TTC5: variants seen among roughly 807,000 people sequenced by gnomAD.
The protein encoded by TTC5 is tetratricopeptide repeat protein 5.
TTC5 carries 46 observed loss-of-function variants against 57.4 expected under a neutral mutation model. That is an observed-to-expected ratio of 0.80 (90% CI 0.63 to 1.03). TTC5 has a LOEUF of 1.03. TTC5 is among the 50% of genes least tolerant of loss of function. TTC5 has a pLI of 0.00. For synonymous variants in TTC5, 190 were observed against 203.5 expected (o/e 0.93, Z 0.57); for missense variants, 504 against 528.1 (o/e 0.95, Z 0.45).
Position 20,295,858 on chromosome 14 carries a change from T to C in TTC5, c.697-4A>G, listed in dbSNP as rs1450070624. On this transcript the variant is annotated splice_region_variant and splice_polypyrimidine_tract_variant and intron_variant, in intron 6 of 9. Coordinates refer to ENST00000258821, the MANE Select transcript of TTC5 (RefSeq NM_138376.3). ...AACTCTCTTCATATTTATGCAACTG[T>C]ACAAGAAGTGTATCCCAATTATAAG... The C allele has an allele frequency of 2.5e-6, 4 of 1,572,152 alleles. No individual in the cohort carries two copies. Among genetic ancestry groups the C allele is most frequent in the Non-Finnish European group, 3.4e-6 (4 of 1,164,836 alleles).
intron 8 of TTC5, 89 bp downstream of exon 8, chr14:20,295,223 G>T: frequency 8.2e-7 from 1 of 1,226,820 alleles, no homozygotes; most frequent in Non-Finnish European, 1.2e-6. Flanking sequence ...TGTGACCACT[G>T]ACAATCTCCT....
chr14:20,301,867 C>T lies in TTC5; in HGVS notation c.150G>A (p.Met50Ile). 1 of 1,614,108 alleles carries T rather than the reference C, an allele frequency of 6.2e-7. No homozygotes were observed. The highest frequency in any genetic ancestry group is 2.2e-5 in the East Asian group (1 of 44,886). ...CTTCCATCTGCTGTAGGGTTTTCTC[C>T]ATCTCCTTCTGCACATCCTGTTGCT... ...GRKQQDVQKE[M>I]EKTLQQMEEV... Residue 50 changes from methionine (M) to isoleucine (I), a missense_variant, in exon 2 of 10, where the codon ATG becomes ATA. Met to Ile is a conservative substitution (Grantham distance 10, BLOSUM62 1). Transcript: ENST00000258821.
intron 1 of TTC5, among the ~76,000 whole-genome samples, chr14:20,304,491 G>C (rs1247891349): frequency 1.3e-5 from 2 of 152,106 alleles, no homozygotes; most frequent in Non-Finnish European, 2.9e-5. Flanking sequence ...ACACTAAAAT[G>C]TCTTTAACAA....
At position 20,300,755 on chromosome 14, in the gene TTC5, T is replaced by A; in HGVS notation, c.248A>T (p.Asp83Val). The change falls in exon 3 of 10, where the codon GAC (aspartate) becomes GTC (valine). Residue 83 changes from aspartate to valine, a missense_variant. Transcript: ENST00000258821. The part of the protein sequence containing the change: ...LTGKALNVTP[D>V]YSPKAEELLS... ...AAGCTCCTCAGCCTTAGGGCTATAG[T>A]CAGGAGTCACATTTAGTGCTTTCCC... 1 of 1,614,170 alleles carries A rather than the reference T, an allele frequency of 6.2e-7. No individual in the cohort carries two copies. Among genetic ancestry groups the A allele is most frequent in the African/African-American group, 1.3e-5 (1 of 75,032 alleles).
Position 20,292,143 on chromosome 14 carries a change from A to G in TTC5, c.1059-16T>C, listed in dbSNP as rs929370929. On this transcript the variant is annotated splice_polypyrimidine_tract_variant and intron_variant, in intron 8 of 9. Coordinates refer to ENST00000258821, the MANE Select transcript of TTC5 (RefSeq NM_138376.3). ...GCCAAATGTACTACCAAGTAAAGAC[A>G]GATTAGGAGAGAGGAAAACAAAAAG... The G allele has an allele frequency of 1.1e-5, 16 of 1,489,862 alleles. 4 individuals carry two copies. The Admixed American group carries it at 3.4e-4, about 31-fold the overall frequency. The allele number at this position is 1,489,862 out of a possible 1,614,324, so 92.3% of individuals were successfully genotyped here.
intron 8 of TTC5, 121 bp from the exon 9 acceptor site, chr14:20,292,248 A>G: frequency 1.9e-6 from 1 of 516,354 alleles, no homozygotes; most frequent in Non-Finnish European, 3.0e-6. Flanking sequence ...AGTGACAGGT[A>G]ATTAAAATAA....
In TTC5 at chr14:20,288,432, T is replaced by C. The variant is rs1276854615; in HGVS notation, c.*1195A>G. On this transcript the variant is annotated 3_prime_UTR_variant, in exon 10 of 10. Coordinates refer to ENST00000258821, the MANE Select transcript of TTC5 (RefSeq NM_138376.3). ...TACAGCCATTCAGTTGTTGTTGCTG[T>C]TTGAGACGGAGTCTCGCTCTGTCGC... 2 of 152,338 alleles carry C rather than the reference T, an allele frequency of 1.3e-5. No homozygotes were observed. The highest frequency in any genetic ancestry group is 3.8e-4 in the East Asian group (2 of 5,204). The allele number at this position is 152,338 out of a possible 1,614,324, so 9.4% of individuals were successfully genotyped here.
chr14:20,297,613 A>T (rs1882092776), intron 5 of TTC5, among the ~76,000 whole-genome samples: 1 of 152,110 alleles, frequency 6.6e-6, no homozygotes, highest in Non-Finnish European at 1.5e-5. Flanking sequence ...TCTACTAAAA[A>T]TACAAAAATT....
Position 20,292,061 on chromosome 14 carries a change from G to C in TTC5, c.1125C>G (p.Ser375Arg), listed in dbSNP as rs1314224169. 1 of 1,602,996 alleles carries C rather than the reference G, an allele frequency of 6.2e-7. No individual in the cohort carries two copies. Among genetic ancestry groups the C allele is most frequent in the Non-Finnish European group, 8.5e-7 (1 of 1,174,786 alleles). ...CAGAGTCTCCAATGAGCACTCCCCA[G>C]CTCTGCACTATATTGTACACCATCA... The part of the protein sequence containing the change: ...YAVMVYNIVQ[S>R]WGVLIGDSVA... The change falls in exon 9 of 10, where the codon AGC (serine) becomes AGG (arginine). Residue 375 changes from serine to arginine, a missense_variant. Transcript: ENST00000258821.
rs1443839434 is a variant in TTC5, at chr14:20,289,501, G to A, written c.*126C>T. The stretch of plus-strand genomic sequence containing the variant: ...AGAGATACGAAGTGTAATACAGGCA[G>A]GGAAAGAGAAAGTCTTCATTTAAAA... On this transcript the variant is annotated 3_prime_UTR_variant, in exon 10 of 10. Transcript: ENST00000258821. 2 of 1,206,356 alleles carry A rather than the reference G, an allele frequency of 1.7e-6. No homozygotes were observed. The highest frequency in any genetic ancestry group is 2.3e-6 in the Non-Finnish European group (2 of 881,458). The allele number at this position is 1,206,356 out of a possible 1,614,324, so 74.7% of individuals were successfully genotyped here.
rs149577920 is a variant in TTC5, at chr14:20,298,067, G to A, written c.639+730C>T. ...TATTCTACCACAGGGAGCAGAATAA[G>A]TAATGATAAGTTAAAAAGCAATTCT... is the stretch of plus-strand genomic sequence containing the variant. On this transcript the variant is annotated intron_variant, in intron 5 of 9. Coordinates refer to ENST00000258821, the MANE Select transcript of TTC5 (RefSeq NM_138376.3). Among the ~76,000 whole-genome samples, 13 of 152,276 alleles carry A rather than the reference G, an allele frequency of 8.5e-5. No individual in the cohort carries two copies. The East Asian group carries it at 2.5e-3, about 29-fold the overall frequency.
intron 2 of TTC5, 94 bp downstream of exon 2, chr14:20,301,739 A>G: frequency 6.6e-7 from 1 of 1,509,860 alleles, no homozygotes; most frequent in Non-Finnish European, 9.1e-7. Context: ...CTATAGCAGT[A>G]ACAGATAGGA....
chr14:20,300,905 T>C, intron 2 of TTC5, 87 bp from the exon 3 acceptor site: 1 of 1,067,552 alleles, frequency 9.4e-7, no homozygotes, highest in East Asian at 2.4e-5. Context: ...CACGTCAGTT[T>C]TAGGAATAAA....
intron 7 of TTC5, 30 bp downstream of exon 7, chr14:20,295,678 A>C: frequency 6.4e-7 from 1 of 1,563,030 alleles, no homozygotes. Flanking sequence ...AAAAAAAAAA[A>C]GTGGAATTCA....
At chr14:20,296,727 T>C (rs191602914) in intron 5 of TTC5, among the ~76,000 whole-genome samples, 377 of 152,274 alleles carry the variant, frequency 2.5e-3, no homozygotes, top group African/African-American at 8.6e-3. Flanking sequence ...AAATGAAATA[T>C]GTGGGCCGGG....
At position 20,300,597 on chromosome 14, in the gene TTC5, G is replaced by T; in HGVS notation, c.396+10C>A. 6.2e-7 allele frequency: 1 copy of T among 1,606,162 alleles called. No individual in the cohort carries two copies. ...ATCTCTGCTTTCCAAAGGGATAGGG[G>T]GCAGCTCACATGGGTGAGGGCTCCT... On this transcript the variant is annotated intron_variant, in intron 3 of 9. Coordinates refer to ENST00000258821, the MANE Select transcript of TTC5 (RefSeq NM_138376.3).
At chr14:20,298,250 T>C (rs1312460716) in intron 5 of TTC5, among the ~76,000 whole-genome samples, 4 of 152,208 alleles carry the variant, frequency 2.6e-5, no homozygotes, top group African/African-American at 9.6e-5. Context: ...AACATAAAAA[T>C]GCTTGAAAAC....
chr14:20,291,958 T>G, intron 9 of TTC5, 25 bp downstream of exon 9: 1 of 1,534,118 alleles, frequency 6.5e-7, no homozygotes, highest in Non-Finnish European at 8.7e-7. Context: ...CTACGAGTTG[T>G]AAGAGAATCC....
intron 3 of TTC5, chr14:20,300,356 G>A (rs1258056914): frequency 9.1e-6 from 4 of 440,616 alleles, no homozygotes; most frequent in Non-Finnish European, 1.6e-5. Context: ...CATCCACAGG[G>A]ATCAGCTTAG....
Sources: gnomAD v4.1 joint callset for allele counts (sites outside exome capture counted in the v4.1 genomes callset) on GRCh38, gnomAD v4.1.1 for gene constraint, MANE v1.5 for transcripts, NCBI Gene and HGNC (gene_info 2026-07-23, HGNC 2026-07-21) for gene names.